Variants in G6PD observed in about 807,000 individuals in gnomAD.
G6PD encodes the protein glucose-6-phosphate 1-dehydrogenase.
A neutral mutation model predicts 38.2 loss-of-function variants in G6PD; 2 were observed. The observed-to-expected ratio is 0.05, with a 90% CI of 0.02 to 0.16. The LOEUF (loss-of-function observed/expected upper bound fraction) is 0.16. G6PD is among the 10% of genes least tolerant of loss of function. G6PD has a pLI of 1.00. For synonymous variants in G6PD, 188 were observed against 196.0 expected (o/e 0.96, Z 0.34); for missense variants, 310 against 471.6 (o/e 0.66, Z 3.17).
At chrX:154,544,993 G>C (rs924056523) in intron 2 of G6PD, among the ~76,000 whole-genome samples, 1 of 112,203 alleles carries the variant, frequency 8.9e-6, no homozygotes, top group African/African-American at 3.2e-5. Context: ...GTAATGAGCA[G>C]AGAGATTCTT....
chrX:154,535,783 T>TG (rs1167108029), intron 4 of G6PD, 154 bp downstream of exon 4: 1 of 509,744 alleles, frequency 2.0e-6, no homozygotes, highest in African/African-American at 2.4e-5. Flanking sequence ...GGGCTGGTAA[T>TG]GGGGGTCTCA....
intron 5 of G6PD, 29 bp downstream of exon 5, chrX:154,535,139 C>A (rs976592956): frequency 1.7e-6 from 2 of 1,187,142 alleles, no homozygotes; most frequent in Non-Finnish European, 2.3e-6. Context: ...GCCTGGCAGG[C>A]GGGAAGGGAG....
At position 154,534,433 on chromosome X, in the gene G6PD, C is replaced by T; in HGVS notation, c.549G>A (p.Leu183=). The T allele has an allele frequency of 8.3e-7, 1 of 1,211,578 alleles. No individual in the cohort carries two copies. ...GGAACAGGGAGGAGATGTGGTTGGA[C>T]AGCCGGTCAGAGCTCTGCAGGTCCC... ...FGRDLQSSDR[L]SNHISSLFRE... is the part of the protein sequence containing the mutation. Residue 183 remains leucine, a synonymous_variant, in exon 6 of 13, where the codon CTG becomes CTA. Coordinates refer to ENST00000393562, the MANE Select transcript of G6PD (RefSeq NM_001360016.2).
chrX:154,535,801 A>T lies in G6PD; in HGVS notation c.267+136T>A. Reference sequence around the variant, plus strand: ...CTGGTAATGGGGGTCTCAAGGAAGTACGAGAGCAGGCGGGGCGGGGCAGGA... The same window carrying T: ...CTGGTAATGGGGGTCTCAAGGAAGTTCGAGAGCAGGCGGGGCGGGGCAGGA... On this transcript the variant is annotated intron_variant, in intron 4 of 12. Coordinates refer to ENST00000393562, the MANE Select transcript of G6PD (RefSeq NM_001360016.2). 7.3e-6 allele frequency: 4 copies of T among 545,969 alleles called. No homozygotes were observed. The South Asian group carries it at 1.0e-4, about 14-fold the overall frequency. 45.0% of individuals were successfully genotyped at this position (545,969 alleles called of 1,213,427 possible). A position where few individuals can be genotyped will look rare whatever the true frequency, so the allele number is the denominator to read the frequency against.
At chrX:154,546,864 G>C (rs1557233589), upstream of G6PD, 2 of 1,109,131 alleles carry the variant, frequency 1.8e-6, no homozygotes, top group Admixed American at 2.9e-5. Flanking sequence ...GAGCCCCGCC[G>C]GCCCATTTAA....
intron 7 of G6PD, 58 bp downstream of exon 7, chrX:154,533,977 A>G: frequency 8.3e-7 from 1 of 1,209,276 alleles, no homozygotes; most frequent in Non-Finnish European, 1.1e-6. Flanking sequence ...GTAGCCCTGC[A>G]GGGTGACTGG....
Position 154,542,587 on chromosome X carries a change from G to T in G6PD, c.120+3449C>A, listed in dbSNP as rs868973300. ...TGTGTGGGCAAGTGTGAGGTAAGCT[G>T]GCCAGGGAGGAGGAAGGGACAGAGG... On this transcript the variant is annotated intron_variant, in intron 2 of 12. Transcript: ENST00000393562. The T allele has an allele frequency of 8.4e-5, 71 of 850,096 alleles. No homozygotes were observed. In the African/African-American group the frequency reaches 1.4e-3, roughly 16 times the overall value. 70.1% of individuals were successfully genotyped at this position (850,096 alleles called of 1,213,427 possible). A position where few individuals can be genotyped will look rare whatever the true frequency, so the allele number is the denominator to read the frequency against.
In G6PD at chrX:154,545,980, G is replaced by C. The variant is rs1224001604; in HGVS notation, c.120+56C>G. The C allele has an allele frequency of 1.5e-5, 18 of 1,197,167 alleles. No individual in the cohort carries two copies. In the African/African-American group the frequency reaches 3.2e-4, roughly 21 times the overall value. On this transcript the variant is annotated intron_variant, in intron 2 of 12. Transcript: ENST00000393562. ...CCTGCAACAATTAGTTGGAAAAGCT[G>C]AGGCATGGAGCAGGCACTTCCTGGC...
In G6PD at chrX:154,532,177, C is replaced by G. The variant is rs1320350685; in HGVS notation, c.1457+11G>C. The G allele has an allele frequency of 1.7e-6, 2 of 1,207,899 alleles. No homozygotes were observed. The highest frequency in any genetic ancestry group is 2.2e-5 in the Admixed American group (1 of 45,654). On this transcript the variant is annotated intron_variant, in intron 12 of 12. Transcript: ENST00000393562. ...GCTGGGCTCTGTCCCCAGCCCCCAC[C>G]CTTTCCTCACCTGCCATAAATATAG... is the stretch of plus-strand genomic sequence containing the variant.
At chrX:154,532,489 T>A (rs2070350614) in intron 10 of G6PD, 27 bp from the exon 11 acceptor site, 4 of 1,205,445 alleles carry the variant, frequency 3.3e-6, no homozygotes, top group Non-Finnish European at 4.5e-6. Flanking sequence ...GTCTTGCTGA[T>A]GCCACTGCCT....
At chrX:154,533,518 T>A (rs912881178) in intron 8 of G6PD, 58 bp downstream of exon 8, 2 of 1,183,602 alleles carry the variant, frequency 1.7e-6, no homozygotes, top group Non-Finnish European at 2.3e-6. Context: ...GCTCAGTGCC[T>A]CGTCACAGAT....
intron 7 of G6PD, 22 bp downstream of exon 7, chrX:154,534,013 A>G (rs782616644): frequency 2.5e-6 from 3 of 1,211,294 alleles, no homozygotes; most frequent in Non-Finnish European, 3.4e-6. Context: ...CCAGCCTCCC[A>G]GGAGAGAGGA....
intron 5 of G6PD, chrX:154,534,946 A>G (rs782349184): frequency 6.7e-6 from 3 of 447,549 alleles, no homozygotes; most frequent in Non-Finnish European, 1.2e-5. Flanking sequence ...CTGCATTCGC[A>G]GAGCAAGGCT....
intron 5 of G6PD, among the ~76,000 whole-genome samples, chrX:154,534,846 AG>A (rs1174976928): frequency 1.8e-5 from 2 of 111,963 alleles, no homozygotes; most frequent in Admixed American, 1.9e-4. Flanking sequence ...AAATGAGAAG[AG>A]GACCTTTGCT....
chrX:154,541,774 C>T (rs781810568), intron 2 of G6PD, among the ~76,000 whole-genome samples: 44 of 112,746 alleles, frequency 3.9e-4, no homozygotes, highest in Non-Finnish European at 6.8e-4. Flanking sequence ...TAGCCACCAA[C>T]ATCTGGCTAG....
intron 2 of G6PD, among the ~76,000 whole-genome samples, chrX:154,536,941 G>C (rs2070414940): frequency 8.9e-6 from 1 of 112,722 alleles, no homozygotes; most frequent in Non-Finnish European, 1.9e-5. Flanking sequence ...AAGAAAAGAT[G>C]AACAAAGCTG....
At chrX:154,534,207 T>C (rs1251298098) in intron 6 of G6PD, 47 bp from the exon 7 acceptor site, 1 of 1,206,529 alleles carries the variant, frequency 8.3e-7, no homozygotes, top group Non-Finnish European at 1.1e-6. Flanking sequence ...GCCTCTGTGG[T>C]GCAGGGGCCA....
chrX:154,542,135 GCAAGAAT>G, intron 2 of G6PD: 1 of 463,929 alleles, frequency 2.2e-6, no homozygotes. Context: ...TCATGACACA[GCAAGAAT>G]CTTATCAGAC....
At chrX:154,542,196 C>T (rs1019890582) in intron 2 of G6PD, 4 of 685,657 alleles carry the variant, frequency 5.8e-6, no homozygotes, top group South Asian at 2.6e-5. Flanking sequence ...AAAGGGGAGG[C>T]GGGGGCCGCT....
Sources: allele counts gnomAD v4.1 joint callset (sites outside exome capture counted in the v4.1 genomes callset), GRCh38; gene constraint gnomAD v4.1.1; transcripts MANE v1.5; gene names NCBI Gene and HGNC (gene_info 2026-07-23, HGNC 2026-07-21).